Variants in MAPKAP1 observed in about 807,000 individuals in gnomAD.
The protein encoded by MAPKAP1 is MAPK associated protein 1, also known as target of rapamycin complex 2 subunit MAPKAP1.
In MAPKAP1, 20 loss-of-function variants were observed where a neutral mutation model predicts 65.7. The observed-to-expected ratio is 0.30, with a 90% CI of 0.21 to 0.44. MAPKAP1 has a LOEUF of 0.44. Among genes scored for constraint, MAPKAP1 ranks in the 20% least tolerant of loss-of-function variants. The pLI, the probability that MAPKAP1 is intolerant of heterozygous loss-of-function variation, is 1.00. For missense variants in MAPKAP1, 423 were observed against 648.0 expected, an observed-to-expected ratio of 0.65 and a Z score of 3.77; for synonymous variants, 222 against 244.3, an observed-to-expected ratio of 0.91 and a Z score of 0.85.
At chr9:125,683,702 C>G (rs1373322873) in intron 1 of MAPKAP1, among the ~76,000 whole-genome samples, 5 of 152,190 alleles carry the variant, frequency 3.3e-5, no homozygotes, top group African/African-American at 1.2e-4. Flanking sequence ...CAAAACTCAG[C>G]TGAAGCCATG....
intron 1 of MAPKAP1, among the ~76,000 whole-genome samples, chr9:125,679,122 C>A (rs1834744602): frequency 6.6e-6 from 1 of 152,006 alleles, no homozygotes; most frequent in Admixed American, 6.6e-5. Context: ...CTGCCTCAGC[C>A]TCCTGAGTGG....
intron 1 of MAPKAP1, among the ~76,000 whole-genome samples, chr9:125,705,156 T>C (rs1333469114): frequency 6.6e-6 from 1 of 152,200 alleles, no homozygotes; most frequent in Non-Finnish European, 1.5e-5. Context: ...TTGTCCTATA[T>C]AACTTTTGGT....
chr9:125,451,924 C>T (rs533581288), intron 10 of MAPKAP1, among the ~76,000 whole-genome samples: 243 of 152,112 alleles, frequency 1.6e-3, no homozygotes, highest in Admixed American at 3.6e-3. Context: ...ATTCTCCTGC[C>T]TCAGCCTCCA....
At chr9:125,665,459 G>A (rs1354772660) in intron 3 of MAPKAP1, among the ~76,000 whole-genome samples, 1 of 150,422 alleles carries the variant, frequency 6.6e-6, no homozygotes, top group East Asian at 1.9e-4. Flanking sequence ...CCCCACCCTT[G>A]AGAATGTACT....
In MAPKAP1 at chr9:125,496,305, G is replaced by T. The variant is rs574476645; in HGVS notation, c.1066+10005C>A. Among the ~76,000 whole-genome samples the T allele has an allele frequency of 1.8e-4, 28 of 152,266 alleles. No homozygotes were observed. The South Asian group carries it at 5.2e-3, about 28-fold the overall frequency. ...GGAGCTATTATGCAATATCGACTTG[G>T]ATAAAAATCCTCACCCTACAGAAAA... On this transcript the variant is annotated intron_variant, in intron 8 of 11. Coordinates refer to ENST00000265960, the MANE Select transcript of MAPKAP1 (RefSeq NM_001006617.3).
At chr9:125,476,027 T>G (rs1001156939) in intron 9 of MAPKAP1, among the ~76,000 whole-genome samples, 7 of 152,232 alleles carry the variant, frequency 4.6e-5, no homozygotes, top group African/African-American at 1.7e-4. Context: ...CTCAGCCACC[T>G]GAGGAACCTG....
intron 3 of MAPKAP1, among the ~76,000 whole-genome samples, chr9:125,664,164 T>C (rs1588051660): frequency 2.0e-5 from 3 of 151,396 alleles, no homozygotes; most frequent in Admixed American, 6.6e-5. Flanking sequence ...CTGGCCAACA[T>C]GGTAAAACCC....
intron 7 of MAPKAP1, among the ~76,000 whole-genome samples, chr9:125,509,322 A>G (rs1222288991): frequency 6.6e-6 from 1 of 152,210 alleles, no homozygotes; most frequent in Non-Finnish European, 1.5e-5. Context: ...AAAAAAGACT[A>G]GGAGGTTATT....
chr9:125,527,376 T>C (rs1007585961), intron 7 of MAPKAP1, among the ~76,000 whole-genome samples: 1 of 152,154 alleles, frequency 6.6e-6, no homozygotes, highest in Admixed American at 6.5e-5. Flanking sequence ...CTCATACATA[T>C]AGTTTTAAGA....
chr9:125,633,340 G>T (rs1833339899), intron 4 of MAPKAP1, among the ~76,000 whole-genome samples: 1 of 152,210 alleles, frequency 6.6e-6, no homozygotes, highest in Non-Finnish European at 1.5e-5. Context: ...GACAAACAGG[G>T]ACTAATAAAA....
intron 4 of MAPKAP1, among the ~76,000 whole-genome samples, chr9:125,598,257 G>A (rs1483374429): frequency 1.3e-5 from 2 of 152,098 alleles, no homozygotes; most frequent in Admixed American, 6.5e-5. Context: ...GCTTTGTAGT[G>A]CTATCTTAAT....
intron 7 of MAPKAP1, among the ~76,000 whole-genome samples, chr9:125,538,501 T>A (rs1307462427): frequency 2.6e-5 from 4 of 151,930 alleles, no homozygotes; most frequent in African/African-American, 9.7e-5. Context: ...ACCTGCTTTA[T>A]CTCCCTTAAA....
At chr9:125,546,041 G>A (rs1237976609) in intron 6 of MAPKAP1, among the ~76,000 whole-genome samples, 3 of 152,206 alleles carry the variant, frequency 2.0e-5, no homozygotes, top group African/African-American at 2.4e-5. Context: ...TGAACCACCC[G>A]TGAATGTTAA....
At chr9:125,460,282 T>C (rs1853435635) in intron 10 of MAPKAP1, among the ~76,000 whole-genome samples, 1 of 151,570 alleles carries the variant, frequency 6.6e-6, no homozygotes, top group Non-Finnish European at 1.5e-5. Context: ...GAAAACTTAA[T>C]AGCAAAAAGG....
rs529606580 is a variant in MAPKAP1, at chr9:125,669,386, A to C, written c.349+432T>G. On this transcript the variant is annotated intron_variant, in intron 3 of 11. Coordinates refer to ENST00000265960, the MANE Select transcript of MAPKAP1 (RefSeq NM_001006617.3). ...TCCCAGCTACTGAGGACGTTGAGGC[A>C]GGAGAATCGCTTGAACCGGGGAGGC... is the stretch of plus-strand genomic sequence containing the variant. 2.6e-5 allele frequency among the ~76,000 whole-genome samples: 4 copies of C among 152,276 alleles called. 1 individual carries two copies. The South Asian group carries it at 8.3e-4, about 32-fold the overall frequency.
chr9:125,592,952 G>A (rs1321480953), intron 4 of MAPKAP1, among the ~76,000 whole-genome samples: 1 of 148,238 alleles, frequency 6.7e-6, no homozygotes, highest in Non-Finnish European at 1.5e-5. Flanking sequence ...ACAGGCTGTT[G>A]GAAAAAGTAA....
At chr9:125,629,381 G>GAA (rs762281439) in intron 4 of MAPKAP1, among the ~76,000 whole-genome samples, 37 of 152,194 alleles carry the variant, frequency 2.4e-4, no homozygotes, top group Non-Finnish European at 5.1e-4. Flanking sequence ...TGGATAAAGA[G>GAA]AATGTGGTGT....
chr9:125,665,567 G>T (rs1320013749), intron 3 of MAPKAP1, among the ~76,000 whole-genome samples: 1 of 151,688 alleles, frequency 6.6e-6, no homozygotes, highest in South Asian at 2.1e-4. Context: ...ACCCTTTGCT[G>T]ACTCTTTTCG....
At chr9:125,626,410 T>A (rs182947490) in intron 4 of MAPKAP1, among the ~76,000 whole-genome samples, 84 of 152,366 alleles carry the variant, frequency 5.5e-4, no homozygotes, top group Non-Finnish European at 1.0e-3. Context: ...GCAATTCTAG[T>A]AAGCTTGTCT....
Sources: gnomAD v4.1 joint callset for allele counts (sites outside exome capture counted in the v4.1 genomes callset) on GRCh38, gnomAD v4.1.1 for gene constraint, MANE v1.5 for transcripts, NCBI Gene and HGNC (gene_info 2026-07-23, HGNC 2026-07-21) for gene names.